SDK1: variants seen among roughly 807,000 people sequenced by gnomAD.
SDK1 encodes protein sidekick-1.
Under a neutral mutation model 245.5 loss-of-function variants are expected in SDK1, and 157 were observed. The ratio of observed to expected loss-of-function variants is 0.64; its 90% confidence interval spans 0.56 to 0.73. SDK1 has a LOEUF of 0.73. Ranked by LOEUF, SDK1 falls within the 30% of genes least tolerant of loss-of-function variation. The probability of loss-of-function intolerance (pLI) is 0.00; values close to 1 mark genes in which losing one functional copy is unlikely to be tolerated. For synonymous variants in SDK1, 1,647 were observed against 1,278.5 expected, an observed-to-expected ratio of 1.29 and a Z score of -6.15; for missense variants, 3,583 against 3,002.3, an observed-to-expected ratio of 1.19 and a Z score of -4.52.
At chr7:3,987,582 C>G (rs1396820126) in intron 14 of SDK1, among the ~76,000 whole-genome samples, 1 of 152,136 alleles carries the variant, frequency 6.6e-6, no homozygotes, top group African/African-American at 2.4e-5. Context: ...GCTGTGCACA[C>G]AGGGCTGCCC....
chr7:3,937,017 C>T (rs1780186529), intron 5 of SDK1, among the ~76,000 whole-genome samples: 2 of 152,192 alleles, frequency 1.3e-5, no homozygotes, highest in Non-Finnish European at 2.9e-5. Context: ...CCCTGGCTGC[C>T]TGGCCATGAT....
intron 1 of SDK1, among the ~76,000 whole-genome samples, chr7:3,436,826 T>C (rs536496422): frequency 6.6e-6 from 1 of 152,284 alleles, no homozygotes; most frequent in South Asian, 2.1e-4. Context: ...GCCAGAAGAA[T>C]GTTAAACTGC....
At chr7:3,806,381 A>AGGATGT (rs1779247474) in intron 4 of SDK1, among the ~76,000 whole-genome samples, 1 of 108,062 alleles carries the variant, frequency 9.3e-6, no homozygotes, top group Non-Finnish European at 1.7e-5. Flanking sequence ...TGTCCACATT[A>AGGATGT]GGACGTGGAT....
rs372760927 is a variant in SDK1, at chr7:4,094,037, C to T, written c.3324+14453C>T. 2.1e-3 allele frequency among the ~76,000 whole-genome samples: 326 copies of T among 152,178 alleles called. 1 individual carries two copies. The highest frequency in any genetic ancestry group is 6.8e-3 in the Middle Eastern group (2 of 294). Reference sequence around the variant, plus strand: ...GGGGGCAGTCCCCTTTTTGCCTAAACGGCCAGGGTGGTTTTTTTTGTGTTT... The same window carrying T: ...GGGGGCAGTCCCCTTTTTGCCTAAATGGCCAGGGTGGTTTTTTTTGTGTTT... On this transcript the variant is annotated intron_variant, in intron 22 of 44. Coordinates refer to ENST00000404826, the MANE Select transcript of SDK1 (RefSeq NM_152744.4).
chr7:4,265,258 G>A lies in SDK1; in HGVS notation c.6516G>A (p.Ala2172=). 1.9e-6 allele frequency: 3 copies of A among 1,600,884 alleles called. No individual in the cohort carries two copies. Among genetic ancestry groups the A allele is most frequent in the East Asian group, 2.2e-5 (1 of 44,648 alleles). ...GRAPAPHRYE[A]VAGSEAGAQL... ...CACCTGCGCCGCACAGGTACGAGGCGGTGGCGGGCTCCGAGGCGGGCGCGC... is the reference window on the plus strand; with the variant it reads ...CACCTGCGCCGCACAGGTACGAGGCAGTGGCGGGCTCCGAGGCGGGCGCGC... The change falls in exon 45 of 45, where the codon GCG becomes GCA. Residue 2172 remains alanine (A), a synonymous_variant. Coordinates refer to ENST00000404826, the MANE Select transcript of SDK1 (RefSeq NM_152744.4).
At chr7:4,050,891 A>G (rs1789403955) in intron 18 of SDK1, among the ~76,000 whole-genome samples, 2 of 144,266 alleles carry the variant, frequency 1.4e-5, no homozygotes, top group East Asian at 2.0e-4. Context: ...TATACCATAT[A>G]GTATATATTA....
chr7:3,710,070 A>AT (rs1785001854), intron 4 of SDK1, among the ~76,000 whole-genome samples: 1 of 152,246 alleles, frequency 6.6e-6, no homozygotes, highest in African/African-American at 2.4e-5. Flanking sequence ...CTCTGTAAAC[A>AT]TTCCTAATTA....
At chr7:3,970,875 A>T (rs6980313) in intron 11 of SDK1, among the ~76,000 whole-genome samples, 63,914 of 152,108 alleles carry the variant, frequency 0.42, 15,466 homozygotes, top group African/African-American at 0.68. Context: ...TGTTCCTGGA[A>T]GCAGAGCAGG....
chr7:3,768,565 T>A (rs1780321492), intron 4 of SDK1, among the ~76,000 whole-genome samples: 1 of 152,182 alleles, frequency 6.6e-6, no homozygotes, highest in African/African-American at 2.4e-5. Context: ...GTGCTTTACA[T>A]TTGGAATGTC....
chr7:3,472,781 C>T (rs1781223932), intron 1 of SDK1, among the ~76,000 whole-genome samples: 1 of 152,172 alleles, frequency 6.6e-6, no homozygotes, highest in African/African-American at 2.4e-5. Context: ...GTCTGGCTAA[C>T]AGTACCAGCA....
rs375867713 is a variant in SDK1 at position 3,842,166 on chromosome 7, AG to A, written c.847+20587del. Among the ~76,000 whole-genome samples, 39 of 152,334 alleles carry A rather than the reference AG, an allele frequency of 2.6e-4. No homozygotes were observed. In the East Asian group the frequency reaches 5.0e-3, roughly 20 times the overall value. ...CTTCCCAGGGCTGGCCTGAATCACC[AG>A]GGGTAATGGAAGTCCCTTCAGTGGG... On this transcript the variant is annotated intron_variant, in intron 5 of 44. Coordinates refer to ENST00000404826, the MANE Select transcript of SDK1 (RefSeq NM_152744.4).
At chr7:3,582,683 TAAAAAAAAAAA>T (rs71029682) in intron 1 of SDK1, among the ~76,000 whole-genome samples, 4 of 69,672 alleles carry the variant, frequency 5.7e-5, no homozygotes, top group African/African-American at 2.3e-4. Flanking sequence ...TAAACTAAAG[TAAAAAAAAAAA>T]AAAAAAAAAA....
intron 4 of SDK1, among the ~76,000 whole-genome samples, chr7:3,779,250 G>A (rs879936349): frequency 6.6e-6 from 1 of 152,048 alleles, no homozygotes; most frequent in Admixed American, 6.5e-5. Context: ...TCTCTCCTAC[G>A]CTTCAGAAAG....
chr7:4,145,810 C>T lies in SDK1; in HGVS notation c.4317C>T (p.Ala1439=), dbSNP rs551236970. 1.9e-6 allele frequency: 3 copies of T among 1,613,922 alleles called. No individual in the cohort carries two copies. The highest frequency in any genetic ancestry group is 2.7e-5 in the African/African-American group (2 of 75,030). The change falls in exon 29 of 45, where the codon GCC becomes GCT. Residue 1439 remains alanine, a synonymous_variant. Coordinates refer to ENST00000404826, the MANE Select transcript of SDK1 (RefSeq NM_152744.4). ...EVGATVRQFT[A]TDLAPESAYI... ...GCGCCACAGTGAGGCAGTTCACAGC[C>T]ACCGACCTGGCCCCGGAGTCCGCAT...
At chr7:3,546,913 A>G (rs73296245) in intron 1 of SDK1, among the ~76,000 whole-genome samples, 9 of 152,312 alleles carry the variant, frequency 5.9e-5, no homozygotes, top group African/African-American at 1.4e-4. Flanking sequence ...AGGAGGTGCT[A>G]CTGTAAATAT....
intron 22 of SDK1, among the ~76,000 whole-genome samples, chr7:4,099,876 C>G (rs182134659): frequency 1.2e-4 from 18 of 152,132 alleles, no homozygotes; most frequent in African/African-American, 4.1e-4. Context: ...CTGCTGGTCA[C>G]CGAGCTCGCT....
chr7:3,570,902 G>C (rs532093805), intron 1 of SDK1, among the ~76,000 whole-genome samples: 3 of 152,166 alleles, frequency 2.0e-5, no homozygotes, highest in African/African-American at 7.2e-5. Flanking sequence ...TTTCATGCAT[G>C]CTTCTTTAAT....
chr7:4,257,483 TAAAC>T (rs1030423416), intron 44 of SDK1, among the ~76,000 whole-genome samples: 4 of 152,162 alleles, frequency 2.6e-5, no homozygotes, highest in East Asian at 1.9e-4. Context: ...ATATAAATAA[TAAAC>T]AGAGCAGGCA....
At chr7:3,338,127 T>G (rs1266337253) in intron 1 of SDK1, 1 of 202,174 alleles carries the variant, frequency 4.9e-6, no homozygotes, top group Non-Finnish European at 1.0e-5. Context: ...TTTGCCAAAA[T>G]GATGAACGAC....
Sources: gnomAD v4.1 joint callset for allele counts (sites outside exome capture counted in the v4.1 genomes callset) on GRCh38, gnomAD v4.1.1 for gene constraint, MANE v1.5 for transcripts, NCBI Gene and HGNC (gene_info 2026-07-23, HGNC 2026-07-21) for gene names.